Variants in VPS53 observed in about 807,000 individuals in gnomAD.
VPS53 encodes VPS53 subunit of GARP complex, also known as vacuolar protein sorting-associated protein 53 homolog.
Under a neutral mutation model 107.0 loss-of-function variants are expected in VPS53, and 70 were observed. That is an observed-to-expected ratio of 0.65 (90% CI 0.54 to 0.80). The LOEUF is 0.80. VPS53 is among the 30% of genes least tolerant of loss of function. The pLI is 0.00. For synonymous variants in VPS53, 409 were observed against 393.3 expected, an observed-to-expected ratio of 1.04 and a Z score of -0.47; for missense variants, 917 against 1,049.4, an observed-to-expected ratio of 0.87 and a Z score of 1.74.
chr17:697,180 G>A (rs972125807), intron 4 of VPS53, among the ~76,000 whole-genome samples: 5 of 152,192 alleles, frequency 3.3e-5, no homozygotes, highest in African/African-American at 1.2e-4. Flanking sequence ...GAAAGACAAG[G>A]AAGCCCCAGT....
intron 17 of VPS53, among the ~76,000 whole-genome samples, chr17:542,622 C>G (rs1910784352): frequency 6.6e-6 from 1 of 152,092 alleles, no homozygotes; most frequent in Non-Finnish European, 1.5e-5. Context: ...TGATAATTAT[C>G]AATTAATTCA....
At chr17:563,633 T>C (rs537313791) in intron 13 of VPS53, among the ~76,000 whole-genome samples, 1 of 152,220 alleles carries the variant, frequency 6.6e-6, no homozygotes, top group African/African-American at 2.4e-5. Flanking sequence ...ATAGTATGTA[T>C]TATTACTATC....
At chr17:661,750 A>G in intron 5 of VPS53, 59 bp downstream of exon 5, 1 of 1,485,138 alleles carries the variant, frequency 6.7e-7, no homozygotes, top group Non-Finnish European at 9.2e-7. Context: ...TAGAATGCCT[A>G]GATGAGAAGC....
intron 15 of VPS53, among the ~76,000 whole-genome samples, chr17:557,035 T>C (rs901717910): frequency 1.3e-5 from 2 of 151,588 alleles, no homozygotes; most frequent in African/African-American, 4.8e-5. Flanking sequence ...ATTCTTTTAG[T>C]AGAGACGGGG....
intron 7 of VPS53, among the ~76,000 whole-genome samples, chr17:633,885 T>C (rs1970069769): frequency 6.6e-6 from 1 of 152,368 alleles, no homozygotes; most frequent in South Asian, 2.1e-4. Flanking sequence ...CAGCCTGCTG[T>C]GGTGCCAGGT....
At position 512,378 on chromosome 17, in the gene VPS53, T is replaced by C. The variant is rs1908000115; in HGVS notation, c.*6750A>G. The C allele has an allele frequency of 6.6e-6, 1 of 152,224 alleles. No homozygotes were observed. The highest frequency in any genetic ancestry group is 2.1e-4 in the South Asian group (1 of 4,824). 9.4% of individuals were successfully genotyped at this position (152,224 alleles called of 1,614,324 possible). ...CAGGGGATCAGTGACTCGCCTGGTG[T>C]CAAAGTGCCAGGTCCAAATCAAGAC... On this transcript the variant is annotated 3_prime_UTR_variant, in exon 22 of 22. Coordinates refer to ENST00000437048, the MANE Select transcript of VPS53 (RefSeq NM_001128159.3).
rs760958839 is a variant in VPS53 at position 623,553 on chromosome 17, T to C, written c.1096A>G (p.Thr366Ala). Residue 366 changes from threonine to alanine, a missense_variant, in exon 11 of 22, where the codon ACC (threonine) becomes GCC (alanine). Coordinates refer to ENST00000437048, the MANE Select transcript of VPS53 (RefSeq NM_001128159.3). ...CTTACCAGGGTCCCATCGGTCAGGG[T>C]GCAGCCGGAGAAGCGTTTTGCAAGA... ...GFLAKRFSGC[T>A]LTDGTLKKLE... The C allele has an allele frequency of 1.9e-6, 3 of 1,613,618 alleles. No individual in the cohort carries two copies. Among genetic ancestry groups the C allele is most frequent in the Non-Finnish European group, 2.5e-6 (3 of 1,179,642 alleles).
At chr17:669,592 T>TTAAAAAAAAAAAAAAAAA (rs1971849693) in intron 4 of VPS53, among the ~76,000 whole-genome samples, 1 of 110,234 alleles carries the variant, frequency 9.1e-6, no homozygotes. Flanking sequence ...TACTCTGTCT[T>TTAAAAAAAAAAAAAAAAA]AAAAAAAAAA....
In VPS53 at chr17:520,638, G is replaced by C. The variant is rs904941770; in HGVS notation, c.2224-708C>G. ...TTTCCCCAGCCGACTGATTTGTTTT[G>C]AATTCCTGAGACTGAAGGGAAGAGT... is the stretch of plus-strand genomic sequence containing the variant. On this transcript the variant is annotated intron_variant, in intron 20 of 21. Transcript: ENST00000437048. The surrounding 1 kb of genome is among the most constrained non-coding windows in gnomAD (Gnocchi z 4.4). 6.6e-6 allele frequency among the ~76,000 whole-genome samples: 1 copy of C among 152,128 alleles called. No individual in the cohort carries two copies.
At chr17:596,908 C>G (rs1029970087) in intron 12 of VPS53, among the ~76,000 whole-genome samples, 1 of 152,200 alleles carries the variant, frequency 6.6e-6, no homozygotes, top group South Asian at 2.1e-4. Flanking sequence ...TAAAAGGTTA[C>G]TGTTGTCACA....
intron 15 of VPS53, among the ~76,000 whole-genome samples, chr17:556,463 A>G (rs1912360593): frequency 6.6e-6 from 1 of 152,252 alleles, no homozygotes; most frequent in Non-Finnish European, 1.5e-5. Context: ...TGTAAATGTA[A>G]AAGTATCCTT....
At chr17:614,484 G>A (rs951153756) in intron 11 of VPS53, among the ~76,000 whole-genome samples, 1 of 151,960 alleles carries the variant, frequency 6.6e-6, no homozygotes, top group African/African-American at 2.4e-5. Context: ...GAAGTTAATC[G>A]TCCCTTGCAA....
At chr17:654,591 A>G (rs8065746) in intron 6 of VPS53, among the ~76,000 whole-genome samples, 2,034 of 151,128 alleles carry the variant, frequency 0.013, 50 homozygotes, top group African/African-American at 0.046. Context: ...ACAAAAATTA[A>G]CCGGGCTTAG....
chr17:542,130 A>G (rs1314942619), intron 17 of VPS53, among the ~76,000 whole-genome samples: 2 of 152,278 alleles, frequency 1.3e-5, no homozygotes, highest in African/African-American at 4.8e-5. Context: ...ACGTTTATCA[A>G]GCACCTACCA....
intron 11 of VPS53, among the ~76,000 whole-genome samples, chr17:605,002 G>C (rs1455551956): frequency 6.6e-6 from 1 of 152,196 alleles, no homozygotes; most frequent in Non-Finnish European, 1.5e-5. Context: ...AGAAGGGCCA[G>C]GAAGGAAAAG....
In VPS53 at chr17:657,135, AG is replaced by A. The variant is rs1402576870; in HGVS notation, c.373-1183del. The A allele has an allele frequency of 1.4e-5, 19 of 1,347,056 alleles. No homozygotes were observed. The South Asian group carries it at 1.8e-4, about 12-fold the overall frequency. The allele number at this position is 1,347,056 out of a possible 1,614,324, so 83.4% of individuals were successfully genotyped here. On this transcript the variant is annotated intron_variant, in intron 5 of 21. Coordinates refer to ENST00000437048, the MANE Select transcript of VPS53 (RefSeq NM_001128159.3). The stretch of plus-strand genomic sequence containing the variant: ...GTGTCATTCACCTTGATGAGGGGTC[AG>A]GGTAGCGGATGGTGCGAGCATCATG...
intron 7 of VPS53, among the ~76,000 whole-genome samples, chr17:640,027 T>C (rs553034834): frequency 6.6e-6 from 1 of 152,330 alleles, no homozygotes; most frequent in Admixed American, 6.5e-5. Context: ...GCAGGCCTCC[T>C]TGAGCTGTGC....
chr17:522,546 C>G (rs1055463581), intron 19 of VPS53, among the ~76,000 whole-genome samples: 14 of 152,226 alleles, frequency 9.2e-5, no homozygotes, highest in African/African-American at 2.9e-4. Flanking sequence ...CCCATTTACA[C>G]CTCTGCCAGC....
At chr17:598,472 T>C (rs1047906361) in intron 12 of VPS53, among the ~76,000 whole-genome samples, 5 of 150,128 alleles carry the variant, frequency 3.3e-5, no homozygotes, top group African/African-American at 9.9e-5. Flanking sequence ...GTCTGGAAAG[T>C]GAGGAGCGTC....
Sources: allele counts gnomAD v4.1 joint callset (sites outside exome capture counted in the v4.1 genomes callset), GRCh38; gene constraint gnomAD v4.1.1; non-coding constraint Gnocchi (gnomAD v3.1); transcripts MANE v1.5; gene names NCBI Gene and HGNC (gene_info 2026-07-23, HGNC 2026-07-21).